Variants in CACNB4 observed in about 807,000 individuals in gnomAD.
CACNB4 encodes the protein voltage-dependent L-type calcium channel subunit beta-4.
Under a neutral mutation model 71.2 loss-of-function variants are expected in CACNB4, and 32 were observed. The observed-to-expected ratio is 0.45, with a 90% CI of 0.34 to 0.60. CACNB4 has a LOEUF of 0.60. Among genes scored for constraint, CACNB4 ranks in the 20% least tolerant of loss-of-function variants. CACNB4 has a pLI of 0.01. For synonymous variants in CACNB4, 231 were observed against 236.9 expected (o/e 0.97, Z 0.23); for missense variants, 464 against 647.9 (o/e 0.72, Z 3.08).
At chr2:151,953,193 G>C (rs1037137312) in intron 2 of CACNB4, among the ~76,000 whole-genome samples, 1 of 152,214 alleles carries the variant, frequency 6.6e-6, no homozygotes, top group East Asian at 1.9e-4. Context: ...AGTAATGTGA[G>C]ACCAACATGT....
intron 12 of CACNB4, among the ~76,000 whole-genome samples, chr2:151,848,930 T>C (rs990662951): frequency 6.6e-6 from 1 of 152,032 alleles, no homozygotes; most frequent in African/African-American, 2.4e-5. Context: ...TATCAATACT[T>C]GGTAGAAGCA....
In CACNB4 at chr2:151,875,885, G is replaced by A. The variant is rs531962134; in HGVS notation, c.521+541C>T. On this transcript the variant is annotated intron_variant, in intron 5 of 13. Transcript: ENST00000539935. ...TCCCTCCCGGACGGGGCGGCTGGCC[G>A]GGCAGAGGGGCTCCTCACTTCCCAG... Among the ~76,000 whole-genome samples the A allele has an allele frequency of 3.6e-3, 500 of 140,430 alleles. 4 individuals carry two copies. Among genetic ancestry groups the A allele is most frequent in the African/African-American group, 0.012 (467 of 38,438 alleles). 92.1% of individuals were successfully genotyped at this position (140,430 alleles called of 152,430 possible).
chr2:152,009,700 C>T (rs1302956054), intron 2 of CACNB4, among the ~76,000 whole-genome samples: 3 of 152,158 alleles, frequency 2.0e-5, no homozygotes, highest in Non-Finnish European at 2.9e-5. Flanking sequence ...GTGCAATGCA[C>T]GGGTGCCTCC....
chr2:151,895,559 A>G (rs2099851842), intron 2 of CACNB4, among the ~76,000 whole-genome samples: 2 of 152,068 alleles, frequency 1.3e-5, no homozygotes, highest in African/African-American at 4.8e-5. Flanking sequence ...ATTTAAGTTC[A>G]CTTTAAACCC....
intron 2 of CACNB4, among the ~76,000 whole-genome samples, chr2:151,904,879 T>G (rs1025779404): frequency 1.3e-5 from 2 of 152,212 alleles, no homozygotes; most frequent in Non-Finnish European, 2.9e-5. Context: ...ACAGTCCATT[T>G]ATTTGGCTTC....
intron 2 of CACNB4, among the ~76,000 whole-genome samples, chr2:151,942,220 T>C (rs1476975820): frequency 6.7e-6 from 1 of 149,222 alleles, no homozygotes; most frequent in Admixed American, 6.6e-5. Context: ...CTGTGCTGTG[T>C]TGCAGGAAGT....
chr2:151,916,011 G>A (rs574515269), intron 2 of CACNB4, among the ~76,000 whole-genome samples: 13 of 53,954 alleles, frequency 2.4e-4, no homozygotes, highest in Admixed American at 4.3e-4. Context: ...CCCCTGCCCC[G>A]TGTGGCTCTC....
chr2:151,984,265 A>G (rs1168578551), intron 2 of CACNB4, among the ~76,000 whole-genome samples: 6 of 152,186 alleles, frequency 3.9e-5, no homozygotes, highest in Non-Finnish European at 8.8e-5. Context: ...AAACCCAGGG[A>G]AAATTCATAA....
intron 2 of CACNB4, among the ~76,000 whole-genome samples, chr2:152,034,140 GT>G (rs1684432459): frequency 6.6e-6 from 1 of 152,204 alleles, no homozygotes; most frequent in Non-Finnish European, 1.5e-5. Context: ...TGGACTCGGA[GT>G]GGCTTTCTCC....
intron 2 of CACNB4, among the ~76,000 whole-genome samples, chr2:151,984,786 T>C (rs1419760436): frequency 1.3e-5 from 2 of 152,198 alleles, no homozygotes; most frequent in East Asian, 3.8e-4. Context: ...TATTTTTCAT[T>C]ATATCCATCC....
At chr2:151,981,883 A>G (rs1262282944) in intron 2 of CACNB4, among the ~76,000 whole-genome samples, 1 of 152,206 alleles carries the variant, frequency 6.6e-6, no homozygotes, top group Non-Finnish European at 1.5e-5. Flanking sequence ...TGGAGTAGAA[A>G]AATCTAGCTG....
intron 3 of CACNB4, among the ~76,000 whole-genome samples, chr2:151,881,711 T>C (rs932757329): frequency 6.6e-6 from 1 of 152,174 alleles, no homozygotes; most frequent in Non-Finnish European, 1.5e-5. Flanking sequence ...TACCAGCTTA[T>C]GTATTTGTGC....
At chr2:152,072,593 T>C (rs1291311160) in intron 2 of CACNB4, among the ~76,000 whole-genome samples, 4 of 152,180 alleles carry the variant, frequency 2.6e-5, no homozygotes, top group Admixed American at 6.5e-5. Flanking sequence ...ACAAGGCTTA[T>C]GAAAACCTTA....
At chr2:151,984,737 T>A (rs1681243831) in intron 2 of CACNB4, among the ~76,000 whole-genome samples, 1 of 152,182 alleles carries the variant, frequency 6.6e-6, no homozygotes, top group African/African-American at 2.4e-5. Flanking sequence ...TTTCCTAACA[T>A]CACACAACTC....
chr2:151,857,610 T>A (rs2099840622), intron 10 of CACNB4: 1 of 152,188 alleles, frequency 6.6e-6, no homozygotes, highest in Non-Finnish European at 1.5e-5. Context: ...GCTGTTTTCA[T>A]TAAACTGTCA....
intron 2 of CACNB4, among the ~76,000 whole-genome samples, chr2:152,058,846 G>T (rs760432085): frequency 1.2e-4 from 18 of 152,240 alleles, no homozygotes; most frequent in Non-Finnish European, 7.3e-5. Flanking sequence ...GCCTAGGAGG[G>T]AAAAATGGTT....
chr2:151,924,074 T>C (rs1309038791), intron 2 of CACNB4, among the ~76,000 whole-genome samples: 1 of 16,792 alleles, frequency 6.0e-5, no homozygotes, highest in Non-Finnish European at 8.4e-4. Flanking sequence ...TTCTGAAATC[T>C]TTTTTTTTTT....
chr2:151,870,366 G>A (rs1445110344), intron 8 of CACNB4, 165 bp downstream of exon 8: 1 of 709,206 alleles, frequency 1.4e-6, no homozygotes, highest in Non-Finnish European at 2.6e-6. Context: ...GGAAAGAAAG[G>A]GCAGAGGGCC....
At chr2:151,840,752 T>C (rs1290035183) in intron 13 of CACNB4, among the ~76,000 whole-genome samples, 1 of 152,200 alleles carries the variant, frequency 6.6e-6, no homozygotes, top group Non-Finnish European at 1.5e-5. Flanking sequence ...GTGCCATTTA[T>C]CTCAGAGTTA....
Sources: gnomAD v4.1 joint callset for allele counts (sites outside exome capture counted in the v4.1 genomes callset) on GRCh38, gnomAD v4.1.1 for gene constraint, MANE v1.5 for transcripts, NCBI Gene and HGNC (gene_info 2026-07-23, HGNC 2026-07-21) for gene names.